Variants in COL4A5 observed in about 807,000 individuals in gnomAD.
COL4A5 encodes the protein collagen alpha-5(IV) chain.
COL4A5 carries 26 observed loss-of-function variants against 130.2 expected under a neutral mutation model. The observed-to-expected ratio is 0.20, with a 90% confidence interval of 0.15 to 0.28. The LOEUF (loss-of-function observed/expected upper bound fraction) is 0.28. Among genes scored for constraint, COL4A5 ranks in the 10% least tolerant of loss-of-function variants. COL4A5 has a pLI of 1.00. For missense variants in COL4A5, 1,131 were observed against 1,344.3 expected, an observed-to-expected ratio of 0.84 and a Z score of 2.48; for synonymous variants, 496 against 439.6, an observed-to-expected ratio of 1.13 and a Z score of -1.60.
At chrX:108,626,710 A>C in intron 36 of COL4A5, 1 of 914,439 alleles carries the variant, frequency 1.1e-6, no homozygotes, top group Non-Finnish European at 1.4e-6. Context: ...GAAAAGACTT[A>C]TAAACAAAGT....
At chrX:108,505,920 T>C (rs2065119527) in intron 1 of COL4A5, among the ~76,000 whole-genome samples, 2 of 112,484 alleles carry the variant, frequency 1.8e-5, no homozygotes, top group Admixed American at 9.4e-5. Context: ...TACTTACCAG[T>C]TTTCAAGAAA....
At chrX:108,501,656 G>A (rs1217954845) in intron 1 of COL4A5, among the ~76,000 whole-genome samples, 1 of 112,163 alleles carries the variant, frequency 8.9e-6, no homozygotes, top group Non-Finnish European at 1.9e-5. Flanking sequence ...TAACAATTGT[G>A]CTGGAAGTGA....
At chrX:108,449,690 C>G (rs766229897) in intron 1 of COL4A5, among the ~76,000 whole-genome samples, 2 of 111,302 alleles carry the variant, frequency 1.8e-5, no homozygotes, top group East Asian at 5.7e-4. Flanking sequence ...TGGTGAGGGC[C>G]CTCTTTCTGG....
intron 1 of COL4A5, among the ~76,000 whole-genome samples, chrX:108,450,753 T>A (rs1449787666): frequency 8.9e-6 from 1 of 111,774 alleles, no homozygotes; most frequent in Non-Finnish European, 1.9e-5. Flanking sequence ...TGTTACAAAA[T>A]CATGCATAGG....
chrX:108,694,028 T>C (rs1029472153), intron 50 of COL4A5: 5 of 97,339 alleles, frequency 5.1e-5, no homozygotes, highest in African/African-American at 2.1e-4. Context: ...TCCTGAATCC[T>C]TTGGGAATTT....
intron 10 of COL4A5, among the ~76,000 whole-genome samples, chrX:108,577,372 CAAAAAAAAA>C (rs746311921): frequency 3.3e-5 from 1 of 29,915 alleles, no homozygotes; most frequent in African/African-American, 9.1e-5. Flanking sequence ...AACTCCTTCT[CAAAAAAAAA>C]AAAAAAAAAA....
intron 1 of COL4A5, among the ~76,000 whole-genome samples, chrX:108,519,895 A>G (rs1385015669): frequency 2.7e-5 from 3 of 111,575 alleles, no homozygotes; most frequent in Non-Finnish European, 5.7e-5. Flanking sequence ...TTGGTTTCAT[A>G]TCCAGCAACT....
In COL4A5 at chrX:108,608,522, T is replaced by A. The variant is rs2066773563; in HGVS notation, c.2395+1630T>A. On this transcript the variant is annotated intron_variant, in intron 29 of 52. Coordinates refer to ENST00000328300, the MANE Select transcript of COL4A5 (RefSeq NM_033380.3). ...AATACTATATACTATTTGTCACATA[T>A]CTATCCATCCCTGTCTCCATCCATT... Among the ~76,000 whole-genome samples the A allele has an allele frequency of 4.5e-5, 5 of 111,459 alleles. No individual in the cohort carries two copies. The South Asian group carries it at 1.9e-3, about 42-fold the overall frequency.
Position 108,674,817 on chromosome X carries a change from G to A in COL4A5, c.3808+64G>A, listed in dbSNP as rs2068275852. On this transcript the variant is annotated intron_variant, in intron 43 of 52. Coordinates refer to ENST00000328300, the MANE Select transcript of COL4A5 (RefSeq NM_033380.3). The stretch of plus-strand genomic sequence containing the variant: ...TTTTAATGCTTTGTGTGTGTGATAA[G>A]AGAAATGCAATTTTTTGCTATAATT... The A allele has an allele frequency of 1.0e-5, 11 of 1,069,742 alleles. No homozygotes were observed. The Middle Eastern group carries it at 7.7e-4, about 75-fold the overall frequency. The allele number at this position is 1,069,742 out of a possible 1,213,427, so 88.2% of individuals were successfully genotyped here.
chrX:108,593,776 CTCTT>C (rs2066470559), intron 21 of COL4A5, among the ~76,000 whole-genome samples: 1 of 111,874 alleles, frequency 8.9e-6, no homozygotes, highest in South Asian at 3.7e-4. Context: ...TCATTAGTCT[CTCTT>C]TGCACCAATA....
intron 36 of COL4A5, among the ~76,000 whole-genome samples, chrX:108,648,670 A>T (rs1201822636): frequency 8.9e-6 from 1 of 111,796 alleles, no homozygotes; most frequent in Non-Finnish European, 1.9e-5. Context: ...CAGAAAAAAA[A>T]CATTCAACAA....
chrX:108,560,076 T>C (rs1323733401), intron 3 of COL4A5, among the ~76,000 whole-genome samples: 1 of 111,634 alleles, frequency 9.0e-6, no homozygotes, highest in Non-Finnish European at 1.9e-5. Context: ...GGTTGGACTT[T>C]AAAGGGCTCT....
chrX:108,623,632 C>T (rs1019959154), intron 33 of COL4A5, among the ~76,000 whole-genome samples: 9 of 111,421 alleles, frequency 8.1e-5, no homozygotes, highest in Non-Finnish European at 1.3e-4. Context: ...GCTCTTTGTA[C>T]GTTCTATCCA....
intron 30 of COL4A5, among the ~76,000 whole-genome samples, chrX:108,616,311 A>G (rs1267607939): frequency 1.8e-5 from 2 of 109,908 alleles, no homozygotes; most frequent in Non-Finnish European, 3.8e-5. Context: ...CTGCAGTCTC[A>G]GCTCACTGCA....
At chrX:108,524,146 T>C (rs1380923583) in intron 1 of COL4A5, among the ~76,000 whole-genome samples, 3 of 111,354 alleles carry the variant, frequency 2.7e-5, no homozygotes, top group African/African-American at 9.8e-5. Context: ...AATGAAAAAA[T>C]TTGCATAGGG....
intron 40 of COL4A5, 121 bp from the exon 41 acceptor site, chrX:108,668,198 A>C: frequency 1.6e-6 from 1 of 640,147 alleles, no homozygotes; most frequent in Non-Finnish European, 2.5e-6. Context: ...GGGATTTGGT[A>C]GGAGATAGAA....
chrX:108,674,356 C>T (rs2068263713), intron 42 of COL4A5: 1 of 126,386 alleles, frequency 7.9e-6, no homozygotes, highest in South Asian at 3.5e-4. Context: ...CCAAAAATAC[C>T]CCTTTACTAA....
chrX:108,624,480 G>A (rs984717305), intron 34 of COL4A5, 146 bp downstream of exon 34: 9 of 538,066 alleles, frequency 1.7e-5, no homozygotes, highest in South Asian at 1.0e-4. Flanking sequence ...GCTCACTTTC[G>A]GCAAAAATAT....
intron 8 of COL4A5, among the ~76,000 whole-genome samples, chrX:108,572,463 A>G (rs1420411005): frequency 9.0e-6 from 1 of 111,409 alleles, no homozygotes; most frequent in Non-Finnish European, 1.9e-5. Flanking sequence ...TTGCATCTTT[A>G]TATGTTATGT....
Sources: allele counts gnomAD v4.1 joint callset (sites outside exome capture counted in the v4.1 genomes callset), GRCh38; gene constraint gnomAD v4.1.1; transcripts MANE v1.5; gene names NCBI Gene and HGNC (gene_info 2026-07-23, HGNC 2026-07-21).